The following DPF3 variants were observed in gnomAD, a reference collection of about 807,000 sequenced individuals.
DPF3 encodes zinc finger protein DPF3.
DPF3 carries 18 observed loss-of-function variants against 56.8 expected under a neutral mutation model. The observed-to-expected ratio is 0.32, with a 90% confidence interval of 0.22 to 0.47. DPF3 has a LOEUF of 0.47. DPF3 is among the 20% of genes least tolerant of loss of function. The pLI is 1.00. For missense variants in DPF3, 403 were observed against 488.8 expected, an observed-to-expected ratio of 0.82 and a Z score of 1.65; for synonymous variants, 188 against 180.2, an observed-to-expected ratio of 1.04 and a Z score of -0.35.
At chr14:72,855,383 T>G (rs903895721) in intron 1 of DPF3, among the ~76,000 whole-genome samples, 3 of 152,216 alleles carry the variant, frequency 2.0e-5, no homozygotes, top group African/African-American at 7.2e-5. Flanking sequence ...CCTGGAGAGA[T>G]AGTAGCCCAT....
chr14:72,813,151 G>A (rs1357972422), intron 1 of DPF3, among the ~76,000 whole-genome samples: 1 of 152,086 alleles, frequency 6.6e-6, no homozygotes, highest in Admixed American at 6.6e-5. Context: ...TGATGGGCTT[G>A]GCTCCAAATT....
chr14:72,800,689 C>T (rs1419784915), intron 1 of DPF3, among the ~76,000 whole-genome samples: 2 of 148,910 alleles, frequency 1.3e-5, no homozygotes, highest in Non-Finnish European at 1.5e-5. Flanking sequence ...TGGATGGATG[C>T]ATGAATGGAC....
intron 1 of DPF3, among the ~76,000 whole-genome samples, chr14:72,783,423 T>C (rs1371220025): frequency 6.6e-6 from 1 of 152,188 alleles, no homozygotes; most frequent in Non-Finnish European, 1.5e-5. Context: ...CACCTGCAAC[T>C]GACAGCTTGA....
chr14:72,823,123 T>TTTA, intron 1 of DPF3, among the ~76,000 whole-genome samples: 1 of 152,324 alleles, frequency 6.6e-6, no homozygotes, highest in Non-Finnish European at 1.5e-5. Context: ...AGGTGGTGGT[T>TTTA]ACAGGGAAGG....
At chr14:72,823,733 G>A (rs963049184) in intron 1 of DPF3, among the ~76,000 whole-genome samples, 1 of 152,194 alleles carries the variant, frequency 6.6e-6, no homozygotes, top group Admixed American at 6.5e-5. Flanking sequence ...GTGTATGAGT[G>A]TTTTAATGTG....
chr14:72,776,414 T>A (rs1352707408), intron 1 of DPF3, among the ~76,000 whole-genome samples: 3 of 152,136 alleles, frequency 2.0e-5, no homozygotes, highest in Non-Finnish European at 2.9e-5. Context: ...ACTTCTGTGA[T>A]CCCATCTGAA....
chr14:72,767,781 C>CAAAAA (rs1321233392), intron 2 of DPF3, among the ~76,000 whole-genome samples: 6 of 62,054 alleles, frequency 9.7e-5, no homozygotes, highest in South Asian at 8.7e-4. Context: ...AAAAAAAAAC[C>CAAAAA]CCATAAACCC....
At chr14:72,678,320 C>T (rs913097635) in intron 7 of DPF3, among the ~76,000 whole-genome samples, 1 of 152,158 alleles carries the variant, frequency 6.6e-6, no homozygotes, top group Non-Finnish European at 1.5e-5. Context: ...CAACCTGATT[C>T]GCCCAATATG....
At chr14:72,666,363 GA>G (rs1886444645) in intron 8 of DPF3, among the ~76,000 whole-genome samples, 1 of 152,144 alleles carries the variant, frequency 6.6e-6, no homozygotes, top group African/African-American at 2.4e-5. Flanking sequence ...TTCTTTTACA[GA>G]ATCAAATACC....
chr14:72,848,482 T>C (rs1393187578), intron 1 of DPF3, among the ~76,000 whole-genome samples: 1 of 152,202 alleles, frequency 6.6e-6, no homozygotes, highest in Non-Finnish European at 1.5e-5. Context: ...GCCATTCTAT[T>C]TGGGGACCTC....
At chr14:72,627,460 T>C (rs1330615578) in intron 9 of DPF3, among the ~76,000 whole-genome samples, 1 of 152,106 alleles carries the variant, frequency 6.6e-6, no homozygotes, top group Non-Finnish European at 1.5e-5. Flanking sequence ...TGTATTTCCA[T>C]ATGTAGTTGG....
intron 8 of DPF3, chr14:72,661,903 G>C (rs1029906203): frequency 3.2e-6 from 3 of 938,538 alleles, no homozygotes; most frequent in Non-Finnish European, 3.7e-6. Context: ...AAAGCTCTCT[G>C]TGTTCGAATC....
At chr14:72,838,909 T>TATATATATATATATA (rs1491369142) in intron 1 of DPF3, among the ~76,000 whole-genome samples, 58 of 7,596 alleles carry the variant, frequency 7.6e-3, no homozygotes, top group East Asian at 0.028. Context: ...ATATATATTC[T>TATATATATATATATA]TTTTTTTTTT....
chr14:72,778,231 T>C (rs897212541), intron 1 of DPF3, among the ~76,000 whole-genome samples: 4 of 152,152 alleles, frequency 2.6e-5, no homozygotes, highest in Non-Finnish European at 5.9e-5. Context: ...CCATGCCTGT[T>C]AGGAACTGGG....
intron 8 of DPF3, among the ~76,000 whole-genome samples, chr14:72,636,569 G>A (rs893406994): frequency 8.5e-5 from 13 of 152,162 alleles, no homozygotes; most frequent in Non-Finnish European, 1.8e-4. Context: ...TATTGAATCT[G>A]TAAAGGGGAA....
intron 3 of DPF3, among the ~76,000 whole-genome samples, chr14:72,748,216 G>A (rs1212193667): frequency 1.3e-5 from 2 of 152,208 alleles, no homozygotes; most frequent in African/African-American, 2.4e-5. Flanking sequence ...GGTCCCAGAT[G>A]GAGATGAAAA....
chr14:72,693,272 C>G (rs1887774197), intron 6 of DPF3, 59 bp from the exon 7 acceptor site: 1 of 1,560,020 alleles, frequency 6.4e-7, no homozygotes, highest in Non-Finnish European at 8.7e-7. Flanking sequence ...TGTGCAGCCA[C>G]CGCTATCATT....
intron 3 of DPF3, among the ~76,000 whole-genome samples, chr14:72,737,664 T>C (rs972903441): frequency 6.6e-6 from 1 of 152,206 alleles, no homozygotes; most frequent in Non-Finnish European, 1.5e-5. Flanking sequence ...GAGCTGTCTG[T>C]TAGCTGTCGA....
intron 3 of DPF3, among the ~76,000 whole-genome samples, chr14:72,740,502 G>A (rs192112560): frequency 2.7e-4 from 41 of 152,302 alleles, no homozygotes; most frequent in African/African-American, 9.9e-4. Context: ...TGTCCTGGGG[G>A]CAGTAAGCAC....
Sources: allele counts gnomAD v4.1 joint callset (sites outside exome capture counted in the v4.1 genomes callset), GRCh38; gene constraint gnomAD v4.1.1; transcripts MANE v1.5; gene names NCBI Gene and HGNC (gene_info 2026-07-23, HGNC 2026-07-21).